Variants in ANO2 observed in about 807,000 individuals in gnomAD.
ANO2 encodes the protein anoctamin-2.
In ANO2, 101 loss-of-function variants were observed where a neutral mutation model predicts 124.2. The observed-to-expected ratio is 0.81, with a 90% CI of 0.69 to 0.96. The LOEUF is 0.96. Among genes scored for constraint, ANO2 ranks in the 40% least tolerant of loss-of-function variants. The pLI, the probability that ANO2 is intolerant of heterozygous loss-of-function variation, is 0.00. For missense variants in ANO2, 1,293 were observed against 1,274.5 expected, an observed-to-expected ratio of 1.01 and a Z score of -0.22; for synonymous variants, 486 against 482.5, an observed-to-expected ratio of 1.01 and a Z score of -0.09.
rs186494252 is a variant in ANO2 at position 5,925,820 on chromosome 12, T to G, written c.23-3016A>C. On this transcript the variant is annotated intron_variant, in intron 1 of 24. Coordinates refer to ENST00000682330, the MANE Select transcript of ANO2 (RefSeq NM_001364791.2). The surrounding 1 kb of genome is among the most constrained non-coding windows in gnomAD (Gnocchi z 4.6). ...GGGGCATGGCTTACCCACGTCTGGG[T>G]TGAGGAGATGGATGTCGTAAGGCTG... 6.6e-6 allele frequency among the ~76,000 whole-genome samples: 1 copy of G among 152,202 alleles called. No homozygotes were observed.
At chr12:5,687,716 T>C (rs1022784277) in intron 14 of ANO2, among the ~76,000 whole-genome samples, 19 of 152,240 alleles carry the variant, frequency 1.2e-4, no homozygotes, top group South Asian at 2.1e-4. Context: ...GAATTCAACA[T>C]GCTTACAGAC....
At position 5,729,909 on chromosome 12, in the gene ANO2, G is replaced by A. The variant is rs1391071692; in HGVS notation, c.1545+2611C>T. 5.9e-5 allele frequency among the ~76,000 whole-genome samples: 9 copies of A among 152,164 alleles called. No homozygotes were observed. In the East Asian group the frequency reaches 1.3e-3, roughly 23 times the overall value. On this transcript the variant is annotated intron_variant, in intron 14 of 24. Transcript: ENST00000682330. ...TGCGAAGTGAAAGAAGCTAAGGACC[G>A]CATATTCTATAATACCATTTACGTG...
intron 14 of ANO2, among the ~76,000 whole-genome samples, chr12:5,660,167 T>A (rs2136971681): frequency 6.6e-6 from 1 of 152,242 alleles, no homozygotes; most frequent in Non-Finnish European, 1.5e-5. Flanking sequence ...TATTTCTGAC[T>A]TATGACAGGT....
intron 1 of ANO2, among the ~76,000 whole-genome samples, chr12:5,943,111 T>C (rs1942957450): frequency 1.3e-5 from 2 of 152,202 alleles, no homozygotes; most frequent in African/African-American, 4.8e-5. Context: ...ATCCCACTAC[T>C]GGGCATCTAC....
At chr12:5,940,007 A>G (rs1206641895) in intron 1 of ANO2, among the ~76,000 whole-genome samples, 1 of 152,200 alleles carries the variant, frequency 6.6e-6, no homozygotes, top group Non-Finnish European at 1.5e-5. Context: ...GATCCAGTTC[A>G]GCACCCAGGA....
At chr12:5,689,016 T>C (rs1156605400) in intron 14 of ANO2, among the ~76,000 whole-genome samples, 8 of 152,052 alleles carry the variant, frequency 5.3e-5, no homozygotes, top group Non-Finnish European at 1.2e-4. Context: ...AGCCACAGGA[T>C]GTATTGATTA....
At chr12:5,672,337 T>C (rs1948050036) in intron 14 of ANO2, among the ~76,000 whole-genome samples, 1 of 152,232 alleles carries the variant, frequency 6.6e-6, no homozygotes, top group Non-Finnish European at 1.5e-5. Context: ...CATGCTGAGT[T>C]GTCGGTGCAT....
chr12:5,805,714 T>C (rs1366805171), intron 9 of ANO2, among the ~76,000 whole-genome samples: 1 of 152,216 alleles, frequency 6.6e-6, no homozygotes, highest in Non-Finnish European at 1.5e-5. Context: ...CTCAAGTTTC[T>C]GTGCCTCCAT....
At chr12:5,632,989 TA>T (rs1031938512) in intron 16 of ANO2, among the ~76,000 whole-genome samples, 2 of 151,992 alleles carry the variant, frequency 1.3e-5, no homozygotes, top group African/African-American at 2.4e-5. Flanking sequence ...GCCACGCTCT[TA>T]AAAAAAATCT....
At chr12:5,751,137 G>A (rs1244584420) in intron 10 of ANO2, among the ~76,000 whole-genome samples, 167 bp from the exon 11 acceptor site, 1 of 152,188 alleles carries the variant, frequency 6.6e-6, no homozygotes, top group Non-Finnish European at 1.5e-5. Context: ...TCAGTACAAA[G>A]AATCAACAAC....
intron 19 of ANO2, chr12:5,608,661 T>G (rs1479589590): frequency 6.6e-6 from 1 of 152,194 alleles, no homozygotes; most frequent in African/African-American, 2.4e-5. Context: ...GCAATTGCCA[T>G]TGTTTAAAGG....
At chr12:5,681,716 C>T (rs796181574) in intron 14 of ANO2, among the ~76,000 whole-genome samples, 8 of 152,302 alleles carry the variant, frequency 5.3e-5, no homozygotes, top group African/African-American at 1.9e-4. Context: ...TCTTCTTATT[C>T]CCTGGAGTCC....
At chr12:5,602,966 T>C (rs1944014778) in intron 19 of ANO2, among the ~76,000 whole-genome samples, 2 of 152,212 alleles carry the variant, frequency 1.3e-5, no homozygotes, top group Admixed American at 1.3e-4. Context: ...AAGACACTTT[T>C]AAGTATGCAA....
intron 7 of ANO2, among the ~76,000 whole-genome samples, chr12:5,822,384 G>C (rs1334897438): frequency 6.6e-6 from 1 of 152,320 alleles, no homozygotes; most frequent in Middle Eastern, 3.4e-3. Flanking sequence ...CAGCAGTGGA[G>C]TGGACAGGAT....
intron 3 of ANO2, among the ~76,000 whole-genome samples, chr12:5,857,634 A>AT (rs2137260098): frequency 6.6e-6 from 1 of 152,148 alleles, no homozygotes; most frequent in South Asian, 2.1e-4. Flanking sequence ...GATGTTAAGC[A>AT]TTTTTTCATA....
chr12:5,637,475 A>G (rs1946085826), intron 15 of ANO2, among the ~76,000 whole-genome samples: 1 of 151,974 alleles, frequency 6.6e-6, no homozygotes, highest in African/African-American at 2.4e-5. Flanking sequence ...AGACGTGGGG[A>G]GATCAGCTTC....
intron 10 of ANO2, among the ~76,000 whole-genome samples, chr12:5,793,851 G>A (rs1351996178): frequency 6.6e-6 from 1 of 152,196 alleles, no homozygotes; most frequent in African/African-American, 2.4e-5. Context: ...TCCAACTCCT[G>A]TTTCCATTGG....
intron 9 of ANO2, among the ~76,000 whole-genome samples, chr12:5,800,318 T>G (rs1046951938): frequency 6.6e-6 from 1 of 152,188 alleles, no homozygotes; most frequent in Non-Finnish European, 1.5e-5. Flanking sequence ...CTCTTGGGGA[T>G]TTGCAGGTCA....
chr12:5,731,198 A>G (rs1187126352), intron 14 of ANO2, among the ~76,000 whole-genome samples: 1 of 152,234 alleles, frequency 6.6e-6, no homozygotes, highest in Non-Finnish European at 1.5e-5. Flanking sequence ...CTGACAGAAC[A>G]CAGAATGCTT....
Sources: gnomAD v4.1 joint callset for allele counts (sites outside exome capture counted in the v4.1 genomes callset) on GRCh38, gnomAD v4.1.1 for gene constraint, Gnocchi (gnomAD v3.1) non-coding constraint, MANE v1.5 for transcripts, NCBI Gene and HGNC (gene_info 2026-07-23, HGNC 2026-07-21) for gene names.